Variants in NAV2 observed in about 807,000 individuals in gnomAD.
NAV2 encodes helicase, APC down-regulated 1.
Under a neutral mutation model 223.2 loss-of-function variants are expected in NAV2, and 54 were observed. The ratio of observed to expected loss-of-function variants is 0.24; its 90% confidence interval spans 0.19 to 0.30. The LOEUF (loss-of-function observed/expected upper bound fraction) is 0.30. Ranked by LOEUF, NAV2 falls within the 10% of genes least tolerant of loss-of-function variation. The probability of loss-of-function intolerance (pLI) is 1.00; values close to 1 mark genes in which losing one functional copy is unlikely to be tolerated. For synonymous variants in NAV2, 1,279 were observed against 1,239.3 expected (o/e 1.03, Z -0.67); for missense variants, 2,806 against 3,147.5 (o/e 0.89, Z 2.60).
chr11:19,748,265 C>T (rs1419534308), intron 1 of NAV2, among the ~76,000 whole-genome samples: 2 of 152,204 alleles, frequency 1.3e-5, no homozygotes, highest in African/African-American at 4.8e-5. Flanking sequence ...TGTTTACCCA[C>T]ATTTTACAAA....
intron 1 of NAV2, among the ~76,000 whole-genome samples, chr11:19,599,780 G>A (rs1379029096): frequency 6.6e-6 from 1 of 152,186 alleles, no homozygotes; most frequent in South Asian, 2.1e-4. Context: ...TATTCTGTTT[G>A]AGAAACAGCA....
chr11:19,609,577 T>A (rs1035480421), intron 1 of NAV2, among the ~76,000 whole-genome samples: 2 of 152,144 alleles, frequency 1.3e-5, no homozygotes, highest in African/African-American at 4.8e-5. Flanking sequence ...GCGCTGCAGT[T>A]GGTGGTTTGT....
chr11:19,386,375 G>A (rs1590098377), intron 1 of NAV2, among the ~76,000 whole-genome samples: 1 of 152,244 alleles, frequency 6.6e-6, no homozygotes, highest in Non-Finnish European at 1.5e-5. Flanking sequence ...CTAAGACTCT[G>A]TTTTTTCCTG....
chr11:19,845,821 T>C (rs2060773774), intron 3 of NAV2, among the ~76,000 whole-genome samples: 1 of 152,136 alleles, frequency 6.6e-6, no homozygotes, highest in Non-Finnish European at 1.5e-5. Flanking sequence ...CAGCAGTGCA[T>C]AATCATAATG....
intron 1 of NAV2, among the ~76,000 whole-genome samples, chr11:19,397,183 CTGATGTGT>C (rs1349533195): frequency 1.3e-5 from 2 of 152,166 alleles, no homozygotes; most frequent in African/African-American, 4.8e-5. Flanking sequence ...AAAGAGGGAA[CTGATGTGT>C]TTAGGGCTGT....
At position 19,609,896 on chromosome 11, in the gene NAV2, A is replaced by G. The variant is rs547691337; in HGVS notation, c.76-222588A>G. On this transcript the variant is annotated intron_variant, in intron 1 of 37. Coordinates refer to the NAV2 transcript ENST00000360655. Reference sequence around the variant, plus strand: ...AAGTCATGCGTCACTGAAATCTACCAGTAATAACAGCTAACTATAACTGAG... The same window carrying G: ...AAGTCATGCGTCACTGAAATCTACCGGTAATAACAGCTAACTATAACTGAG... 2.0e-5 allele frequency among the ~76,000 whole-genome samples: 3 copies of G among 152,362 alleles called. No individual in the cohort carries two copies. In the East Asian group the frequency reaches 5.8e-4, roughly 29 times the overall value.
intron 1 of NAV2, among the ~76,000 whole-genome samples, chr11:19,729,515 G>A (rs1320220124): frequency 1.3e-5 from 2 of 152,184 alleles, no homozygotes; most frequent in Non-Finnish European, 2.9e-5. Flanking sequence ...GCCCAAGATG[G>A]CTGGCTTTAA....
chr11:19,992,179 C>G (rs1038574371), intron 11 of NAV2, among the ~76,000 whole-genome samples: 2 of 152,188 alleles, frequency 1.3e-5, no homozygotes, highest in African/African-American at 4.8e-5. Flanking sequence ...ATAAAAGGAG[C>G]CTTAGAGGCA....
At chr11:19,787,954 T>C (rs554218533) in intron 1 of NAV2, among the ~76,000 whole-genome samples, 1 of 152,298 alleles carries the variant, frequency 6.6e-6, no homozygotes, top group South Asian at 2.1e-4. Flanking sequence ...CTCTCTCCTC[T>C]CCAAAAGAAC....
chr11:19,902,162 C>T (rs1202663311), intron 6 of NAV2, among the ~76,000 whole-genome samples: 2 of 152,136 alleles, frequency 1.3e-5, no homozygotes, highest in Non-Finnish European at 2.9e-5. Flanking sequence ...CTTACTCCAC[C>T]CTAGCTTTTG....
intron 1 of NAV2, among the ~76,000 whole-genome samples, chr11:19,812,768 C>T (rs1049635569): frequency 2.0e-5 from 3 of 152,052 alleles, no homozygotes; most frequent in Non-Finnish European, 4.4e-5. Context: ...GATTTGTCTG[C>T]GATCATAGCA....
At chr11:19,547,211 G>A (rs774151427) in intron 1 of NAV2, among the ~76,000 whole-genome samples, 7 of 152,192 alleles carry the variant, frequency 4.6e-5, no homozygotes, top group South Asian at 2.1e-4. Flanking sequence ...GCAGTTGTTC[G>A]TTGAAGTAGC....
At chr11:19,907,201 A>G (rs957687019) in intron 6 of NAV2, among the ~76,000 whole-genome samples, 3 of 152,162 alleles carry the variant, frequency 2.0e-5, no homozygotes, top group Admixed American at 2.0e-4. Context: ...AATGACTACA[A>G]AGGGGAAAGT....
rs114500220 is a variant in NAV2 at position 19,982,430 on chromosome 11, C to T, written c.2646-1695C>T. The stretch of plus-strand genomic sequence containing the variant: ...CTACAACAGGTGCATGCCACGTGCC[C>T]GGCTAAAAATTCACCATTTTAAAGC... On this transcript the variant is annotated intron_variant, in intron 10 of 37. Transcript: ENST00000349880. Among the ~76,000 whole-genome samples the T allele has an allele frequency of 7.4e-3, 1,131 of 152,064 alleles. 12 individuals carry two copies. The highest frequency in any genetic ancestry group is 0.026 in the African/African-American group (1,061 of 41,496).
intron 2 of NAV2, among the ~76,000 whole-genome samples, chr11:19,836,708 C>T (rs892299124): frequency 1.1e-4 from 17 of 152,214 alleles, no homozygotes; most frequent in African/African-American, 3.4e-4. Flanking sequence ...TGGAATCCTT[C>T]AAAAGCTCTT....
intron 1 of NAV2, among the ~76,000 whole-genome samples, chr11:19,748,380 A>G (rs1342160190): frequency 6.6e-6 from 1 of 152,230 alleles, no homozygotes; most frequent in African/African-American, 2.4e-5. Flanking sequence ...TCCAAGGAGT[A>G]TGAGAGAGGG....
chr11:20,008,787 G>C (rs1012450444), intron 11 of NAV2, among the ~76,000 whole-genome samples: 1 of 151,334 alleles, frequency 6.6e-6, no homozygotes, highest in Non-Finnish European at 1.5e-5. Context: ...TTTGCACAGA[G>C]TGGTGTGTGT....
At chr11:19,855,434 T>C (rs1013326762) in intron 3 of NAV2, among the ~76,000 whole-genome samples, 1 of 152,164 alleles carries the variant, frequency 6.6e-6, no homozygotes, top group African/African-American at 2.4e-5. Context: ...CTCTTAGTAA[T>C]AGCTCCAGTA....
intron 22 of NAV2, among the ~76,000 whole-genome samples, chr11:20,075,377 C>A (rs1048444502): frequency 6.6e-6 from 1 of 151,546 alleles, no homozygotes; most frequent in African/African-American, 2.4e-5. Context: ...GTGCCCACCA[C>A]CATGCCCAGC....
Sources: gnomAD v4.1 joint callset for allele counts (sites outside exome capture counted in the v4.1 genomes callset) on GRCh38, gnomAD v4.1.1 for gene constraint, MANE v1.5 for transcripts, NCBI Gene and HGNC (gene_info 2026-07-23, HGNC 2026-07-21) for gene names.